PKHD1L1: variants seen among roughly 807,000 people sequenced by gnomAD.
PKHD1L1 encodes the protein fibrocystin-L.
A neutral mutation model predicts 462.9 loss-of-function variants in PKHD1L1; 434 were observed. The ratio of observed to expected loss-of-function variants is 0.94; its 90% CI spans 0.87 to 1.02. The LOEUF is 1.02. Among genes scored for constraint, PKHD1L1 ranks in the 50% least tolerant of loss-of-function variants. The pLI is 0.00. For synonymous variants in PKHD1L1, 1,781 were observed against 1,750.0 expected (o/e 1.02, Z -0.44); for missense variants, 5,202 against 5,096.1 (o/e 1.02, Z -0.63).
At chr8:109,482,080 G>A (rs1028959474) in intron 56 of PKHD1L1, among the ~76,000 whole-genome samples, 6 of 150,050 alleles carry the variant, frequency 4.0e-5, no homozygotes, top group Admixed American at 6.8e-5. Context: ...GTATACCGTG[G>A]ATATTCTTAT....
intron 50 of PKHD1L1, among the ~76,000 whole-genome samples, chr8:109,473,332 G>A (rs989678896): frequency 1.4e-4 from 21 of 152,042 alleles, no homozygotes; most frequent in African/African-American, 4.6e-4. Flanking sequence ...GCCAACATAG[G>A]TGAAACCCTG....
rs1441327228 is a variant in PKHD1L1 at position 109,442,938 on chromosome 8, T to C, written c.4394-8T>C. 1.2e-6 allele frequency: 2 copies of C among 1,612,004 alleles called. No homozygotes were observed. The highest frequency in any genetic ancestry group is 2.2e-5 in the East Asian group (1 of 44,856). ...ATATTTATTACGTACAATCTCATTT[T>C]ATGGCAGGTTCATTTTCTTACCAAT... On this transcript the variant is annotated splice_region_variant and splice_polypyrimidine_tract_variant and intron_variant, in intron 35 of 77. Transcript: ENST00000378402.
intron 61 of PKHD1L1, 98 bp downstream of exon 61, chr8:109,491,199 G>A: frequency 8.1e-7 from 1 of 1,239,432 alleles, no homozygotes; most frequent in Non-Finnish European, 1.1e-6. Context: ...TTTCTGTGAG[G>A]ATGGAAATGG....
chr8:109,465,269 A>AT, intron 49 of PKHD1L1, 24 bp downstream of exon 49: 1 of 1,590,294 alleles, frequency 6.3e-7, no homozygotes, highest in East Asian at 2.2e-5. Context: ...TTAATTTGTG[A>AT]TAAAAATCCA....
At chr8:109,432,625 A>G (rs1815174250) in intron 27 of PKHD1L1, among the ~76,000 whole-genome samples, 1 of 152,158 alleles carries the variant, frequency 6.6e-6, no homozygotes, top group Admixed American at 6.5e-5. Flanking sequence ...CACAGGTGTA[A>G]ACCAGAACTG....
rs1431592277 is a variant in PKHD1L1 at position 109,534,458 on chromosome 8, T to A, written c.*4368T>A. Among the ~76,000 whole-genome samples, 1 of 151,138 alleles carries A rather than the reference T, an allele frequency of 6.6e-6. No individual in the cohort carries two copies. The highest frequency in any genetic ancestry group is 6.6e-5 in the Admixed American group (1 of 15,200). ...AGCCTGGGTGACAGAGCGAGACACA[T>A]CTCAAAAAAAAAAACCCAAAAAACT... On this transcript the variant is annotated 3_prime_UTR_variant, in exon 78 of 78. Transcript: ENST00000378402.
chr8:109,370,933 AG>A (rs1243460993), intron 2 of PKHD1L1, among the ~76,000 whole-genome samples: 2 of 152,106 alleles, frequency 1.3e-5, no homozygotes, highest in Non-Finnish European at 2.9e-5. Flanking sequence ...GTTGGTTCCA[AG>A]TCTTTGCTAT....
intron 2 of PKHD1L1, among the ~76,000 whole-genome samples, chr8:109,365,098 G>A (rs567623615): frequency 3.9e-5 from 6 of 152,278 alleles, no homozygotes; most frequent in South Asian, 4.1e-4. Context: ...CCAACCTCAG[G>A]CTTCATAAAG....
At chr8:109,403,092 G>T (rs1813356967) in intron 14 of PKHD1L1, among the ~76,000 whole-genome samples, 1 of 152,118 alleles carries the variant, frequency 6.6e-6, no homozygotes, top group Non-Finnish European at 1.5e-5. Context: ...AGCTAGGCAG[G>T]AGCACAGAGT....
intron 48 of PKHD1L1, 98 bp from the exon 49 acceptor site, chr8:109,464,118 A>G: frequency 1.4e-6 from 1 of 717,334 alleles, no homozygotes; most frequent in Non-Finnish European, 1.8e-6. Context: ...AAATAAATAT[A>G]TTAATAATAA....
At chr8:109,438,075 A>G (rs1392444034) in intron 30 of PKHD1L1, among the ~76,000 whole-genome samples, 1 of 152,174 alleles carries the variant, frequency 6.6e-6, no homozygotes, top group Non-Finnish European at 1.5e-5. Flanking sequence ...GAAATCCAAT[A>G]ATATAGATGC....
chr8:109,493,656 A>T lies in PKHD1L1; in HGVS notation c.10237-5A>T, dbSNP rs186732746. ...CACAGTATTTTTTTTTAATCATTGC[A>T]CTAGATAAATAGAGGGACCAATACA... On this transcript the variant is annotated splice_polypyrimidine_tract_variant and splice_region_variant and intron_variant, in intron 62 of 77. Transcript: ENST00000378402. 4.4e-6 allele frequency: 7 copies of T among 1,577,516 alleles called. No individual in the cohort carries two copies. In the Admixed American group the frequency reaches 1.1e-4, roughly 24 times the overall value.
intron 21 of PKHD1L1, among the ~76,000 whole-genome samples, chr8:109,417,298 A>T (rs1814227753): frequency 6.6e-6 from 1 of 152,168 alleles, no homozygotes. Context: ...GTATCAAAAC[A>T]TCTCATGTAC....
At chr8:109,383,795 CT>C (rs1167703574) in intron 4 of PKHD1L1, among the ~76,000 whole-genome samples, 1 of 151,944 alleles carries the variant, frequency 6.6e-6, no homozygotes, top group African/African-American at 2.4e-5. Context: ...TACTTTTTCT[CT>C]GATTATTTCT....
In PKHD1L1 at chr8:109,477,243, T is replaced by C. The variant is rs1818034301; in HGVS notation, c.8936T>C (p.Leu2979Pro). 3 of 1,613,236 alleles carry C rather than the reference T, an allele frequency of 1.9e-6. No individual in the cohort carries two copies. The highest frequency in any genetic ancestry group is 2.5e-6 in the Non-Finnish European group (3 of 1,179,544). ...CTTTCAGTGTCAGGAAGAAATGACC[T>C]TCATCAGAGTCAGCTCATTTCTGGG... ...LYYLVSGRND[L>P]HQSQLISGNL... is the part of the protein sequence containing the mutation. Residue 2979 changes from leucine (L) to proline (P), a missense_variant, in exon 53 of 78, where the codon CTT (leucine) becomes CCT (proline). Physicochemically the swap from Leu to Pro is moderately conservative, Grantham distance 98. This residue lies in a region of PKHD1L1 where 4,497 missense variants were observed against 4,336.8 expected (regional missense o/e 1.04). Transcript: ENST00000378402.
chr8:109,498,413 TAGTA>T (rs752248679), intron 65 of PKHD1L1, 45 bp from the exon 66 acceptor site: 1 of 1,384,842 alleles, frequency 7.2e-7, no homozygotes, highest in South Asian at 1.2e-5. Context: ...TGTTTTCTTT[TAGTA>T]AGAGCTATTA....
chr8:109,385,615 AT>A lies in PKHD1L1; in HGVS notation c.555del (p.Asn185LysfsTer5), dbSNP rs1812400993. 6.3e-7 allele frequency: 1 copy of A among 1,589,498 alleles called. No individual in the cohort carries two copies. The highest frequency in any genetic ancestry group is 8.6e-7 in the Non-Finnish European group (1 of 1,160,484). On this transcript the variant is annotated frameshift_variant, in exon 6 of 78. Coordinates refer to ENST00000378402, the MANE Select transcript of PKHD1L1 (RefSeq NM_177531.6). LOFTEE classifies it high-confidence loss of function. The stretch of plus-strand genomic sequence containing the variant: ...ATTGCACTAAGCTCAAATGGGAAAA[AT>A]GTTAGGATTTTGAGGTAATCTTTTG... ...SNIALSSNGK[N>X]VRILRVYIGG...
Position 109,473,518 on chromosome 8 carries a change from G to GA in PKHD1L1, c.8606-1588dup, listed in dbSNP as rs1018548199. On this transcript the variant is annotated intron_variant, in intron 50 of 77. Coordinates refer to ENST00000378402, the MANE Select transcript of PKHD1L1 (RefSeq NM_177531.6). ...GTGACAGTTAGAGACTCCATCTCAA[G>GA]AAAAAAAAAAAAGAAAAGAAAAAGA... Among the ~76,000 whole-genome samples the GA allele has an allele frequency of 8.2e-3, 1,074 of 130,848 alleles. 9 individuals are homozygous for GA. Among genetic ancestry groups the GA allele is most frequent in the African/African-American group, 0.022 (768 of 35,700 alleles). 85.8% of individuals were successfully genotyped at this position (130,848 alleles called of 152,430 possible).
chr8:109,470,371 C>T, intron 50 of PKHD1L1: 8 of 1,558,400 alleles, frequency 5.1e-6, no homozygotes, highest in African/African-American at 1.4e-5. Context: ...TGAACCCAAG[C>T]TTATTATAGA....
Sources: gnomAD v4.1 joint callset for allele counts (sites outside exome capture counted in the v4.1 genomes callset) on GRCh38, gnomAD v4.1.1 for gene constraint, gnomAD v4.1.1 regional missense constraint, MANE v1.5 for transcripts, NCBI Gene and HGNC (gene_info 2026-07-23, HGNC 2026-07-21) for gene names.